The following PTK2 variants were observed in gnomAD, a reference collection of about 807,000 sequenced individuals.
The protein encoded by PTK2 is focal adhesion kinase 1.
Under a neutral mutation model 150.1 loss-of-function variants are expected in PTK2, and 45 were observed. That is an observed-to-expected ratio of 0.30 (90% confidence interval 0.24 to 0.38). The LOEUF (loss-of-function observed/expected upper bound fraction) is 0.38, where lower values mean the gene tolerates loss of function less well. Among genes scored for constraint, PTK2 ranks in the 10% least tolerant of loss-of-function variants. PTK2 has a pLI of 1.00. For synonymous variants in PTK2, 432 were observed against 449.2 expected, an observed-to-expected ratio of 0.96 and a Z score of 0.48; for missense variants, 919 against 1,307.3, an observed-to-expected ratio of 0.70 and a Z score of 4.58.
chr8:140,987,059 T>C (rs1325392285), intron 1 of PTK2, among the ~76,000 whole-genome samples: 1 of 152,116 alleles, frequency 6.6e-6, no homozygotes, highest in Non-Finnish European at 1.5e-5. Flanking sequence ...CAAGCCACTG[T>C]TAAGAAAATG....
At chr8:140,757,871 T>C (rs2100066785) in intron 16 of PTK2, among the ~76,000 whole-genome samples, 1 of 152,172 alleles carries the variant, frequency 6.6e-6, no homozygotes, top group South Asian at 2.1e-4. Flanking sequence ...CCTAGTGACA[T>C]GACAGAAATC....
At chr8:140,817,594 T>C (rs1024603278) in intron 10 of PTK2, among the ~76,000 whole-genome samples, 9 of 152,246 alleles carry the variant, frequency 5.9e-5, no homozygotes, top group African/African-American at 2.2e-4. Flanking sequence ...GTACTTATTG[T>C]TGTATGACAC....
At chr8:140,981,783 G>A (rs2100191522) in intron 1 of PTK2, among the ~76,000 whole-genome samples, 2 of 152,222 alleles carry the variant, frequency 1.3e-5, no homozygotes, top group Non-Finnish European at 2.9e-5. Flanking sequence ...GGTCACAGGT[G>A]GCCTGCAAAG....
At chr8:140,864,580 C>T (rs980907326) in intron 4 of PTK2, among the ~76,000 whole-genome samples, 181 bp from the exon 5 acceptor site, 1 of 152,164 alleles carries the variant, frequency 6.6e-6, no homozygotes, top group African/African-American at 2.4e-5. Context: ...AAAAAGAGCA[C>T]ATATCATAAA....
intron 2 of PTK2, among the ~76,000 whole-genome samples, chr8:140,907,184 G>C (rs1028636601): frequency 6.6e-6 from 1 of 152,106 alleles, no homozygotes; most frequent in Admixed American, 6.5e-5. Context: ...ATCTTGTGCT[G>C]GTTCAACCTA....
intron 10 of PTK2, among the ~76,000 whole-genome samples, chr8:140,817,935 CA>C (rs2100105727): frequency 6.6e-6 from 1 of 151,826 alleles, no homozygotes. Flanking sequence ...GAGGCTGTTT[CA>C]AAGGGTAAGA....
chr8:140,961,857 A>T (rs976698613), intron 1 of PTK2, among the ~76,000 whole-genome samples: 6 of 152,188 alleles, frequency 3.9e-5, no homozygotes, highest in Non-Finnish European at 7.3e-5. Flanking sequence ...TAAAGATTTC[A>T]TTTAGAGGTT....
intron 3 of PTK2, among the ~76,000 whole-genome samples, chr8:140,886,120 T>G (rs947275591): frequency 7.9e-5 from 12 of 152,140 alleles, no homozygotes; most frequent in Non-Finnish European, 1.8e-4. Flanking sequence ...GTGGACAGGA[T>G]TAGCTAATGT....
chr8:140,809,523 G>A (rs924319944), intron 10 of PTK2, among the ~76,000 whole-genome samples: 3 of 152,176 alleles, frequency 2.0e-5, no homozygotes, highest in Non-Finnish European at 2.9e-5. Context: ...ATTACTATTA[G>A]GCCAGGCACA....
At chr8:140,838,732 C>T (rs764115148) in intron 7 of PTK2, among the ~76,000 whole-genome samples, 46 of 152,080 alleles carry the variant, frequency 3.0e-4, no homozygotes, top group Admixed American at 9.2e-4. Flanking sequence ...CTAGGCCGGG[C>T]GCGGTGGCTC....
At chr8:140,947,714 C>T (rs1034487271) in intron 1 of PTK2, among the ~76,000 whole-genome samples, 15 of 151,890 alleles carry the variant, frequency 9.9e-5, no homozygotes, top group African/African-American at 2.2e-4. Context: ...AGGAGCTACA[C>T]GCACAGTGAT....
intron 2 of PTK2, among the ~76,000 whole-genome samples, chr8:140,911,269 T>C (rs1442366496): frequency 6.6e-6 from 1 of 152,094 alleles, no homozygotes; most frequent in Non-Finnish European, 1.5e-5. Flanking sequence ...TTATCATACA[T>C]TGTAATATTT....
At chr8:140,955,263 G>A (rs749038637) in intron 1 of PTK2, among the ~76,000 whole-genome samples, 2 of 152,134 alleles carry the variant, frequency 1.3e-5, no homozygotes, top group African/African-American at 4.8e-5. Flanking sequence ...CTGAATCATG[G>A]GGGCAGGTCT....
chr8:140,686,290 C>T (rs780496874), intron 27 of PTK2, among the ~76,000 whole-genome samples: 2 of 152,098 alleles, frequency 1.3e-5, no homozygotes, highest in African/African-American at 4.8e-5. Context: ...AAAACACTAC[C>T]TATCAGGTAT....
At chr8:140,824,081 T>C (rs2100110464) in intron 8 of PTK2, among the ~76,000 whole-genome samples, 1 of 152,224 alleles carries the variant, frequency 6.6e-6, no homozygotes, top group African/African-American at 2.4e-5. Context: ...CTAAATAAAG[T>C]GAGTCAATTT....
intron 20 of PTK2, among the ~76,000 whole-genome samples, chr8:140,742,149 A>C (rs776748238): frequency 1.3e-5 from 2 of 152,226 alleles, no homozygotes; most frequent in African/African-American, 2.4e-5. Context: ...ACAAGCAAAC[A>C]AACAAAAATC....
At chr8:140,967,511 AGTGCAGCG>A (rs2100185735) in intron 1 of PTK2, among the ~76,000 whole-genome samples, 1 of 140,202 alleles carries the variant, frequency 7.1e-6, no homozygotes, top group Admixed American at 7.7e-5. Context: ...TGCAGGCTGG[AGTGCAGCG>A]GTGCAATCTC....
intron 2 of PTK2, among the ~76,000 whole-genome samples, chr8:140,901,526 G>C (rs1173369584): frequency 1.3e-5 from 2 of 152,094 alleles, no homozygotes; most frequent in Non-Finnish European, 2.9e-5. Flanking sequence ...CTACCCATCT[G>C]ACAACGGATT....
chr8:140,752,407 G>A, intron 16 of PTK2, 91 bp from the exon 20 acceptor site: 1 of 1,124,928 alleles, frequency 8.9e-7, no homozygotes, highest in African/African-American at 1.5e-5. Context: ...TTGCAACTAT[G>A]TGGGTTATGG....
Sources: gnomAD v4.1 joint callset for allele counts (sites outside exome capture counted in the v4.1 genomes callset) on GRCh38, gnomAD v4.1.1 for gene constraint, MANE v1.5 for transcripts, NCBI Gene and HGNC (gene_info 2026-07-23, HGNC 2026-07-21) for gene names.